Variants in GABRB3 observed in about 807,000 individuals in gnomAD.
The protein encoded by GABRB3 is gamma-aminobutyric acid type A receptor subunit beta3.
GABRB3 carries 14 observed loss-of-function variants against 52.1 expected under a neutral mutation model. The observed-to-expected ratio is 0.27, with a 90% confidence interval of 0.18 to 0.42. The LOEUF (loss-of-function observed/expected upper bound fraction) is 0.42. GABRB3 is among the 10% of genes least tolerant of loss of function. The probability of loss-of-function intolerance (pLI) is 1.00; values close to 1 mark genes in which losing one functional copy is unlikely to be tolerated. For synonymous variants in GABRB3, 260 were observed against 232.3 expected, an observed-to-expected ratio of 1.12 and a Z score of -1.08; for missense variants, 307 against 609.1, an observed-to-expected ratio of 0.50 and a Z score of 5.22.
At chr15:26,596,901 T>A (rs956322531) in intron 4 of GABRB3, among the ~76,000 whole-genome samples, 3 of 152,140 alleles carry the variant, frequency 2.0e-5, no homozygotes, top group Non-Finnish European at 4.4e-5. Flanking sequence ...AGAACGTGCA[T>A]CTGAAGAAAG....
At chr15:26,669,239 T>C (rs975761736) in intron 3 of GABRB3, among the ~76,000 whole-genome samples, 3 of 152,180 alleles carry the variant, frequency 2.0e-5, no homozygotes, top group African/African-American at 7.2e-5. Context: ...TTTTATCTCT[T>C]TCGTTTCAGT....
chr15:26,665,636 A>T (rs570009646), intron 3 of GABRB3, among the ~76,000 whole-genome samples: 1 of 152,312 alleles, frequency 6.6e-6, no homozygotes, highest in African/African-American at 2.4e-5. Flanking sequence ...AGGAGACCAT[A>T]AATGCTCATG....
chr15:26,568,684 G>GTTTTTTTTTTTTT (rs1890278876), intron 6 of GABRB3, among the ~76,000 whole-genome samples: 1 of 133,668 alleles, frequency 7.5e-6, no homozygotes. Context: ...TTTTTTTTTG[G>GTTTTTTTTTTTTT]TTTTGTATGT....
chr15:26,634,131 G>T (rs1287190929), intron 3 of GABRB3, among the ~76,000 whole-genome samples: 1 of 152,024 alleles, frequency 6.6e-6, no homozygotes, highest in Non-Finnish European at 1.5e-5. Flanking sequence ...TAAGGGAGAG[G>T]GGCACCCCCC....
intron 3 of GABRB3, among the ~76,000 whole-genome samples, chr15:26,719,442 C>T (rs1297289539): frequency 6.6e-6 from 1 of 152,220 alleles, no homozygotes; most frequent in Non-Finnish European, 1.5e-5. Context: ...ATGATTCAAA[C>T]AATTGTCAAT....
At chr15:26,717,295 C>T (rs1889520963) in intron 3 of GABRB3, among the ~76,000 whole-genome samples, 1 of 151,264 alleles carries the variant, frequency 6.6e-6, no homozygotes, top group South Asian at 2.1e-4. Flanking sequence ...CAGCCCAGCT[C>T]TGGGGACCTC....
At chr15:26,555,030 A>G (rs561326593) in intron 8 of GABRB3, among the ~76,000 whole-genome samples, 1 of 152,198 alleles carries the variant, frequency 6.6e-6, no homozygotes, top group Non-Finnish European at 1.5e-5. Context: ...ATATATATAT[A>G]TAAATTAGCT....
intron 7 of GABRB3, 150 bp from the exon 8 acceptor site, chr15:26,561,326 A>T: frequency 8.9e-7 from 1 of 1,126,734 alleles, no homozygotes; most frequent in Non-Finnish European, 1.3e-6. Context: ...CAGAGCATAC[A>T]TCTTGTCATT....
At chr15:26,661,043 C>G (rs550992957) in intron 3 of GABRB3, among the ~76,000 whole-genome samples, 1 of 152,068 alleles carries the variant, frequency 6.6e-6, no homozygotes, top group South Asian at 2.1e-4. Flanking sequence ...GCTTTGGTCT[C>G]CCAAAATCCT....
At chr15:26,620,540 A>G (rs2140535172) in intron 4 of GABRB3, among the ~76,000 whole-genome samples, 1 of 152,368 alleles carries the variant, frequency 6.6e-6, no homozygotes, top group African/African-American at 2.4e-5. Context: ...GGGCACTTTT[A>G]GGCCAGGAGA....
At chr15:26,716,657 G>C (rs773705323) in intron 3 of GABRB3, 9 of 1,005,406 alleles carry the variant, frequency 9.0e-6, no homozygotes, top group Non-Finnish European at 1.1e-5. Flanking sequence ...CCAACAGCAA[G>C]TCTCTTCTAT....
chr15:26,560,475 C>T (rs1191733251), intron 8 of GABRB3, among the ~76,000 whole-genome samples: 1 of 152,178 alleles, frequency 6.6e-6, no homozygotes, highest in Non-Finnish European at 1.5e-5. Context: ...TCTCAATAGG[C>T]TGCCCATCCA....
intron 4 of GABRB3, among the ~76,000 whole-genome samples, chr15:26,600,181 T>C (rs1021168289): frequency 2.6e-5 from 4 of 151,798 alleles, no homozygotes; most frequent in Non-Finnish European, 5.9e-5. Context: ...TTTGAAATTA[T>C]CCAGTCAGAT....
intron 3 of GABRB3, among the ~76,000 whole-genome samples, chr15:26,742,333 A>G (rs1306374493): frequency 6.7e-6 from 1 of 149,434 alleles, no homozygotes; most frequent in Non-Finnish European, 1.5e-5. Context: ...TCTTTACCCA[A>G]TTTTTAGTTT....
intron 3 of GABRB3, among the ~76,000 whole-genome samples, chr15:26,713,822 G>A (rs1889381920): frequency 6.6e-6 from 1 of 152,224 alleles, no homozygotes; most frequent in South Asian, 2.1e-4. Context: ...TACTGCAGGT[G>A]TGCTGTACCT....
chr15:26,604,403 A>T (rs1275935927), intron 4 of GABRB3, among the ~76,000 whole-genome samples: 1 of 152,198 alleles, frequency 6.6e-6, no homozygotes, highest in African/African-American at 2.4e-5. Context: ...CTTCACAGAA[A>T]TAGAAAAAAC....
chr15:26,764,681 A>T (rs3212342), intron 3 of GABRB3, among the ~76,000 whole-genome samples: 26,574 of 151,982 alleles, frequency 0.17, 2,742 homozygotes, highest in Admixed American at 0.32. Flanking sequence ...CTTCTTCCAA[A>T]TTTTGCAGCT....
chr15:26,621,583 T>C lies in GABRB3; in HGVS notation c.241-49A>G, dbSNP rs1892486966. 1.3e-6 allele frequency: 2 copies of C among 1,498,898 alleles called. No homozygotes were observed. Among genetic ancestry groups the C allele is most frequent in the Admixed American group, 1.7e-5 (1 of 59,014 alleles). 92.8% of individuals were successfully genotyped at this position (1,498,898 alleles called of 1,614,324 possible). A position where few individuals can be genotyped will look rare whatever the true frequency, so the allele number is the denominator to read the frequency against. ...AAGTTAGTTTGTACCCAGCCACAGGTGTATTTCCTCCACGACCAGCCAAAT... is the reference window on the plus strand; with the variant it reads ...AAGTTAGTTTGTACCCAGCCACAGGCGTATTTCCTCCACGACCAGCCAAAT... On this transcript the variant is annotated intron_variant, in intron 3 of 8. Coordinates refer to ENST00000311550, the MANE Select transcript of GABRB3 (RefSeq NM_000814.6). The surrounding 1 kb of genome is among the most constrained non-coding windows in gnomAD (Gnocchi z 4.1).
intron 3 of GABRB3, among the ~76,000 whole-genome samples, chr15:26,666,158 C>T (rs529842487): frequency 4.6e-5 from 7 of 152,282 alleles, no homozygotes; most frequent in South Asian, 2.1e-4. Context: ...CCTCAATAAT[C>T]CAGCCAAGTG....
Sources: allele counts gnomAD v4.1 joint callset (sites outside exome capture counted in the v4.1 genomes callset), GRCh38; gene constraint gnomAD v4.1.1; non-coding constraint Gnocchi (gnomAD v3.1); transcripts MANE v1.5; gene names NCBI Gene and HGNC (gene_info 2026-07-23, HGNC 2026-07-21).